CTTNBP2: variants seen among roughly 807,000 people sequenced by gnomAD.
The protein encoded by CTTNBP2 is cortactin binding protein 2.
A neutral mutation model predicts 156.9 loss-of-function variants in CTTNBP2; 108 were observed. That is an observed-to-expected ratio of 0.69 (90% CI 0.59 to 0.81). The LOEUF (loss-of-function observed/expected upper bound fraction) is 0.81. CTTNBP2 is among the 30% of genes least tolerant of loss of function. CTTNBP2 has a pLI of 0.00. For missense variants in CTTNBP2, 1,924 were observed against 2,035.4 expected (o/e 0.95, Z 1.05); for synonymous variants, 767 against 751.8 (o/e 1.02, Z -0.33).
intron 2 of CTTNBP2, among the ~76,000 whole-genome samples, chr7:117,850,435 A>G (rs1189363361): frequency 6.6e-6 from 1 of 152,232 alleles, no homozygotes; most frequent in Non-Finnish European, 1.5e-5. Flanking sequence ...AAGTAACCAA[A>G]GAATGACAGA....
chr7:117,725,343 A>T, intron 17 of CTTNBP2, 86 bp from the exon 18 acceptor site: 1 of 1,258,686 alleles, frequency 7.9e-7, no homozygotes, highest in South Asian at 1.3e-5. Flanking sequence ...TTTGAAGACT[A>T]TGGGGAAAAA....
chr7:117,727,972 C>T (rs543108413), intron 17 of CTTNBP2, 117 bp downstream of exon 17: 48 of 886,580 alleles, frequency 5.4e-5, no homozygotes, highest in African/African-American at 6.7e-5. Context: ...AGCACTGGCA[C>T]TCCGTGTCAG....
At chr7:117,790,685 C>T (rs1011535146) in intron 4 of CTTNBP2, among the ~76,000 whole-genome samples, 1 of 151,306 alleles carries the variant, frequency 6.6e-6, no homozygotes, top group African/African-American at 2.4e-5. Flanking sequence ...TTTGGTAATC[C>T]AACATAGTGT....
In CTTNBP2 at chr7:117,735,418, C is replaced by A; in HGVS notation, c.3539G>T (p.Cys1180Phe). 1.9e-6 allele frequency: 3 copies of A among 1,600,996 alleles called. No individual in the cohort carries two copies. The highest frequency in any genetic ancestry group is 2.5e-6 in the Non-Finnish European group (3 of 1,176,882). The change falls in exon 15 of 23, where the codon TGT becomes TTT. Residue 1180 changes from cysteine (C) to phenylalanine (F), a missense_variant. Physicochemically the swap from Cys to Phe is radical, Grantham distance 205 (BLOSUM62 -2). Coordinates refer to ENST00000160373, the MANE Select transcript of CTTNBP2 (RefSeq NM_033427.3). ...QLLDLFISSA[C>F]LIPVKQSPSK... ...GGGAGATTGTTTCACTGGGATCAGACAAGCTATAATAAAAAAGGAAATTCA... is the reference window on the plus strand; with the variant it reads ...GGGAGATTGTTTCACTGGGATCAGAAAAGCTATAATAAAAAAGGAAATTCA...
intron 16 of CTTNBP2, among the ~76,000 whole-genome samples, chr7:117,729,503 T>C (rs1027067592): frequency 2.0e-4 from 31 of 152,200 alleles, no homozygotes; most frequent in Non-Finnish European, 8.8e-5. Flanking sequence ...TCTATGCCTA[T>C]TTGTTATTGC....
chr7:117,805,620 A>G (rs1799887480), intron 3 of CTTNBP2, among the ~76,000 whole-genome samples: 1 of 152,210 alleles, frequency 6.6e-6, no homozygotes, highest in South Asian at 2.1e-4. Flanking sequence ...AGCTCTCTGA[A>G]TTTAATCATA....
intron 14 of CTTNBP2, among the ~76,000 whole-genome samples, chr7:117,737,742 A>C (rs568007081): frequency 6.6e-6 from 1 of 151,802 alleles, no homozygotes; most frequent in South Asian, 2.1e-4. Flanking sequence ...CCAAATACAA[A>C]ATTTTTTTTT....
chr7:117,819,475 A>G (rs1443577389), intron 2 of CTTNBP2, among the ~76,000 whole-genome samples: 1 of 151,990 alleles, frequency 6.6e-6, no homozygotes, highest in Non-Finnish European at 1.5e-5. Context: ...TCATCTGGAG[A>G]AGGATAATTA....
intron 16 of CTTNBP2, among the ~76,000 whole-genome samples, chr7:117,730,949 G>A (rs764985472): frequency 1.3e-5 from 2 of 152,168 alleles, no homozygotes; most frequent in Admixed American, 6.5e-5. Context: ...AATGTTTACA[G>A]GAATTTCATA....
chr7:117,869,781 C>T (rs1438236934), intron 1 of CTTNBP2, among the ~76,000 whole-genome samples: 1 of 143,802 alleles, frequency 7.0e-6, no homozygotes, highest in Non-Finnish European at 1.5e-5. Context: ...AAATCTACAA[C>T]CTATTATTTA....
intron 6 of CTTNBP2, 84 bp downstream of exon 6, chr7:117,782,778 A>G: frequency 3.5e-6 from 3 of 847,478 alleles, no homozygotes; most frequent in Non-Finnish European, 5.7e-6. Context: ...TAGTTTACAC[A>G]TTCAGCCGGA....
In CTTNBP2 at chr7:117,737,743, A is replaced by T. The variant is rs12532140; in HGVS notation, c.3536-2322T>A. ...TGCACACCACCATGCCAAATACAAA[A>T]TTTTTTTTTGTATTTTTAATAGAGA... On this transcript the variant is annotated intron_variant, in intron 14 of 22. Transcript: ENST00000160373. Among the ~76,000 whole-genome samples, 1,047 of 151,272 alleles carry T rather than the reference A, an allele frequency of 6.9e-3. 9 individuals carry two copies. The highest frequency in any genetic ancestry group is 0.023 in the African/African-American group (956 of 41,212).
At chr7:117,866,079 G>A (rs942730888) in intron 1 of CTTNBP2, among the ~76,000 whole-genome samples, 4 of 151,718 alleles carry the variant, frequency 2.6e-5, no homozygotes, top group Admixed American at 1.3e-4. Flanking sequence ...TGGCGCAAGC[G>A]TGGGGAGGGC....
rs754332162 is a variant in CTTNBP2 at position 117,792,553 on chromosome 7, C to A, written c.643G>T (p.Ala215Ser). ...KTNELEEELS[A>S]EKRRSTEMEA... ...ATTTCTGTGCTTCTTCGTTTCTCAG[C>A]GGAGAGTTCCTCTTCTAATTCATTC... Residue 215 changes from alanine (A) to serine (S), a missense_variant, in exon 4 of 23, where the codon GCT becomes TCT. Coordinates refer to ENST00000160373, the MANE Select transcript of CTTNBP2 (RefSeq NM_033427.3). The surrounding 1 kb of genome is among the most constrained non-coding windows in gnomAD (Gnocchi z 4.2). 2.5e-6 allele frequency: 4 copies of A among 1,614,086 alleles called. No individual in the cohort carries two copies. The highest frequency in any genetic ancestry group is 3.4e-6 in the Non-Finnish European group (4 of 1,180,054).
chr7:117,822,185 T>A (rs1395764627), intron 2 of CTTNBP2, among the ~76,000 whole-genome samples: 1 of 152,214 alleles, frequency 6.6e-6, no homozygotes, highest in South Asian at 2.1e-4. Context: ...GTATTCATAG[T>A]ATTTACTGAA....
intron 1 of CTTNBP2, among the ~76,000 whole-genome samples, chr7:117,872,599 C>T (rs7795873): frequency 0.76 from 116,249 of 152,128 alleles, 45,490 homozygotes; most frequent in African/African-American, 0.93. Flanking sequence ...CGCATTCGGC[C>T]TCTAGACTCC....
At chr7:117,744,534 G>A (rs1005704400) in intron 14 of CTTNBP2, among the ~76,000 whole-genome samples, 1 of 151,808 alleles carries the variant, frequency 6.6e-6, no homozygotes, top group Non-Finnish European at 1.5e-5. Context: ...TTTTATGGTC[G>A]AATAGCGCTC....
chr7:117,812,672 T>C (rs778352230), intron 2 of CTTNBP2, among the ~76,000 whole-genome samples: 6 of 152,190 alleles, frequency 3.9e-5, no homozygotes, highest in African/African-American at 7.2e-5. Context: ...AATTCAATCA[T>C]GTAATCAATA....
rs149667719 is a variant in CTTNBP2, at chr7:117,792,992, T to C, written c.415-211A>G. ...ACGTAAATGGCTTTATAAAGACATC[T>C]AAATTACAACAATAGAGAATTTTTA... is the stretch of plus-strand genomic sequence containing the variant. On this transcript the variant is annotated intron_variant, in intron 3 of 22. Coordinates refer to ENST00000160373, the MANE Select transcript of CTTNBP2 (RefSeq NM_033427.3). The surrounding 1 kb of genome is among the most constrained non-coding windows in gnomAD (Gnocchi z 4.2). 2.0e-5 allele frequency among the ~76,000 whole-genome samples: 3 copies of C among 152,316 alleles called. No homozygotes were observed. In the East Asian group the frequency reaches 5.8e-4, roughly 29 times the overall value.
Sources: gnomAD v4.1 joint callset for allele counts (sites outside exome capture counted in the v4.1 genomes callset) on GRCh38, gnomAD v4.1.1 for gene constraint, Gnocchi (gnomAD v3.1) non-coding constraint, MANE v1.5 for transcripts, NCBI Gene and HGNC (gene_info 2026-07-23, HGNC 2026-07-21) for gene names.